PRR16: variants seen among roughly 807,000 people sequenced by gnomAD.
PRR16 encodes protein Largen.
In PRR16, 6 loss-of-function variants were observed where a neutral mutation model predicts 18.2. The ratio of observed to expected loss-of-function variants is 0.33; its 90% CI spans 0.18 to 0.65. The LOEUF is 0.65. PRR16 is among the 30% of genes least tolerant of loss of function. The pLI is 0.74. For synonymous variants in PRR16, 151 were observed against 147.8 expected (o/e 1.02, Z -0.16); for missense variants, 412 against 376.6 (o/e 1.09, Z -0.78).
chr5:120,556,453 C>T (rs1257838525), intron 1 of PRR16, among the ~76,000 whole-genome samples: 1 of 151,758 alleles, frequency 6.6e-6, no homozygotes, highest in Non-Finnish European at 1.5e-5. Context: ...TATTTCTCTG[C>T]TTTCCAGTAT....
chr5:120,683,457 G>A (rs552070469), intron 1 of PRR16, among the ~76,000 whole-genome samples: 5 of 145,636 alleles, frequency 3.4e-5, no homozygotes, highest in East Asian at 2.0e-4. Flanking sequence ...AGCTGAGATC[G>A]CATCACTGCA....
At chr5:120,782,491 G>A in the PRR16 span, among the ~76,000 whole-genome samples, 5 of 152,244 alleles carry the variant, frequency 3.3e-5, no homozygotes, top group African/African-American at 1.2e-4. Context: ...TCCCCTCGGG[G>A]TTGGTTCCAC....
the PRR16 span, among the ~76,000 whole-genome samples, chr5:120,792,023 G>A: frequency 6.6e-6 from 1 of 152,098 alleles, no homozygotes; most frequent in East Asian, 1.9e-4. Context: ...AAGTATAGAT[G>A]CCTGAACTCA....
chr5:120,658,309 G>A (rs187823624), intron 1 of PRR16: 3 of 146,560 alleles, frequency 2.0e-5, no homozygotes, highest in Non-Finnish European at 4.5e-5. Flanking sequence ...ATAGGTTTTC[G>A]ATATTTCTGC....
intron 1 of PRR16, among the ~76,000 whole-genome samples, chr5:120,680,403 C>T (rs1756934398): frequency 6.6e-6 from 1 of 152,042 alleles, no homozygotes; most frequent in South Asian, 2.1e-4. Flanking sequence ...CTAGTTAATT[C>T]ATTTTAACTA....
the PRR16 span, among the ~76,000 whole-genome samples, chr5:120,713,248 A>G: frequency 6.6e-6 from 1 of 152,176 alleles, no homozygotes; most frequent in African/African-American, 2.4e-5. Flanking sequence ...AAAATACTGC[A>G]TAATTTCACT....
intron 1 of PRR16, among the ~76,000 whole-genome samples, chr5:120,552,400 A>G (rs1561542893): frequency 6.6e-6 from 1 of 151,910 alleles, no homozygotes; most frequent in African/African-American, 2.4e-5. Context: ...TAAGGTGTAC[A>G]TATTATTTTG....
At chr5:120,501,524 G>A (rs1417624984) in intron 1 of PRR16, among the ~76,000 whole-genome samples, 2 of 152,084 alleles carry the variant, frequency 1.3e-5, no homozygotes, top group Non-Finnish European at 2.9e-5. Flanking sequence ...TGTCATCTTA[G>A]GGAACATCTT....
chr5:120,552,900 A>C (rs1343372347), intron 1 of PRR16, among the ~76,000 whole-genome samples: 1 of 151,846 alleles, frequency 6.6e-6, no homozygotes, highest in Non-Finnish European at 1.5e-5. Flanking sequence ...TTAGAATTCA[A>C]ATGGGGAGAC....
At chr5:120,592,434 T>A (rs1753666913) in intron 1 of PRR16, among the ~76,000 whole-genome samples, 1 of 152,180 alleles carries the variant, frequency 6.6e-6, no homozygotes, top group African/African-American at 2.4e-5. Flanking sequence ...TTGGTTTTGA[T>A]TTGACAGATA....
At chr5:120,782,030 T>C in the PRR16 span, among the ~76,000 whole-genome samples, 4 of 152,190 alleles carry the variant, frequency 2.6e-5, no homozygotes, top group Non-Finnish European at 4.4e-5. Flanking sequence ...AAGGCATTCT[T>C]TCTACTATTG....
At chr5:120,655,565 A>T (rs1470796364) in intron 1 of PRR16, among the ~76,000 whole-genome samples, 1 of 151,724 alleles carries the variant, frequency 6.6e-6, no homozygotes, top group Non-Finnish European at 1.5e-5. Context: ...TTAGTGCTTC[A>T]TTTTCCCCCA....
rs371157372 is a variant in PRR16 at position 120,589,836 on chromosome 5, C to A, written c.160-96118C>A. Among the ~76,000 whole-genome samples the A allele has an allele frequency of 3.3e-5, 5 of 152,130 alleles. No homozygotes were observed. In the East Asian group the frequency reaches 9.7e-4, roughly 29 times the overall value. On this transcript the variant is annotated intron_variant, in intron 1 of 1. Coordinates refer to ENST00000407149, the MANE Select transcript of PRR16 (RefSeq NM_001300783.2). Reference sequence around the variant, plus strand: ...ATTCAAGATGAGATTTGGGTGGGGACACAGAGCCAAACCATATCAGGCATT... The same window carrying A: ...ATTCAAGATGAGATTTGGGTGGGGAAACAGAGCCAAACCATATCAGGCATT...
intron 1 of PRR16, among the ~76,000 whole-genome samples, chr5:120,593,679 A>G (rs1030940506): frequency 1.2e-4 from 18 of 152,146 alleles, no homozygotes; most frequent in Non-Finnish European, 2.1e-4. Flanking sequence ...CTGATACCAA[A>G]ACCTGGTAGA....
At chr5:120,729,403 T>G in the PRR16 span, among the ~76,000 whole-genome samples, 1 of 152,100 alleles carries the variant, frequency 6.6e-6, no homozygotes, top group Non-Finnish European at 1.5e-5. Context: ...ATTTTGAGAG[T>G]TAAAATGAAG....
At chr5:120,641,887 G>T (rs1009106900) in intron 1 of PRR16, among the ~76,000 whole-genome samples, 1 of 152,076 alleles carries the variant, frequency 6.6e-6, no homozygotes, top group Non-Finnish European at 1.5e-5. Context: ...AATCCAGTAT[G>T]TCAAGAATGG....
chr5:120,466,867 G>T (rs1452307505), intron 1 of PRR16, among the ~76,000 whole-genome samples: 1 of 152,088 alleles, frequency 6.6e-6, no homozygotes, highest in Non-Finnish European at 1.5e-5. Context: ...TGAAATTTAT[G>T]ACATAAATAA....
intron 1 of PRR16, among the ~76,000 whole-genome samples, chr5:120,655,482 A>G (rs1005780413): frequency 6.6e-6 from 1 of 151,626 alleles, no homozygotes; most frequent in African/African-American, 2.4e-5. Context: ...ATATAGAAGC[A>G]TTTGTACAAA....
intron 1 of PRR16, among the ~76,000 whole-genome samples, chr5:120,583,981 G>C (rs1309874787): frequency 6.6e-6 from 1 of 152,192 alleles, no homozygotes; most frequent in Non-Finnish European, 1.5e-5. Flanking sequence ...TGTGATGAAA[G>C]AAGAGAGATG....
Sources: gnomAD v4.1 joint callset for allele counts (sites outside exome capture counted in the v4.1 genomes callset) on GRCh38, gnomAD v4.1.1 for gene constraint, MANE v1.5 for transcripts, NCBI Gene and HGNC (gene_info 2026-07-23, HGNC 2026-07-21) for gene names.